Variants in TENM1 observed in about 807,000 individuals in gnomAD.
TENM1 encodes teneurin-1.
Under a neutral mutation model 174.8 loss-of-function variants are expected in TENM1, and 35 were observed. The ratio of observed to expected loss-of-function variants is 0.20; its 90% CI spans 0.15 to 0.27. The LOEUF (loss-of-function observed/expected upper bound fraction) is 0.27. Among genes scored for constraint, TENM1 ranks in the 10% least tolerant of loss-of-function variants. The probability of loss-of-function intolerance (pLI) is 1.00; values close to 1 mark genes in which losing one functional copy is unlikely to be tolerated. For missense variants in TENM1, 1,633 were observed against 2,130.1 expected, an observed-to-expected ratio of 0.77 and a Z score of 4.59; for synonymous variants, 781 against 798.7, an observed-to-expected ratio of 0.98 and a Z score of 0.37.
the TENM1 span, among the ~76,000 whole-genome samples, chrX:124,974,541 A>C: frequency 9.0e-6 from 1 of 111,015 alleles, no homozygotes; most frequent in Non-Finnish European, 1.9e-5. Context: ...AGAAACATGG[A>C]AGTTGCTTAA....
At chrX:124,816,654 A>G (rs982074484) in intron 3 of TENM1, among the ~76,000 whole-genome samples, 1 of 111,492 alleles carries the variant, frequency 9.0e-6, no homozygotes, top group Non-Finnish European at 1.9e-5. Context: ...CAGAATTAAT[A>G]CATTTTCCTG....
chrX:124,492,472 C>T (rs1189937787), intron 20 of TENM1, among the ~76,000 whole-genome samples: 1 of 108,618 alleles, frequency 9.2e-6, no homozygotes, highest in Non-Finnish European at 1.9e-5. Context: ...GTACAGTACA[C>T]ATATAGGCAA....
chrX:124,584,729 A>T (rs1041128070), intron 11 of TENM1, among the ~76,000 whole-genome samples: 1 of 111,737 alleles, frequency 8.9e-6, no homozygotes, highest in African/African-American at 3.3e-5. Flanking sequence ...CAATTAAAAG[A>T]CACAGACTGG....
chrX:124,901,154 C>A (rs1268956193), intron 1 of TENM1, among the ~76,000 whole-genome samples: 1 of 111,036 alleles, frequency 9.0e-6, no homozygotes, highest in East Asian at 2.8e-4. Flanking sequence ...AAGAGTTGAA[C>A]ATCAAATTTA....
At chrX:124,410,325 A>C (rs1019978460) in intron 25 of TENM1, among the ~76,000 whole-genome samples, 1 of 112,381 alleles carries the variant, frequency 8.9e-6, no homozygotes, top group Non-Finnish European at 1.9e-5. Context: ...ATATGTAGAA[A>C]GCTGAAACTG....
At chrX:124,922,004 C>T (rs1477522439) in intron 1 of TENM1, among the ~76,000 whole-genome samples, 1 of 111,696 alleles carries the variant, frequency 9.0e-6, no homozygotes, top group Non-Finnish European at 1.9e-5. Context: ...AGGTTCATTG[C>T]CCATCATTGT....
chrX:125,057,563 T>C, the TENM1 span, among the ~76,000 whole-genome samples: 2 of 111,757 alleles, frequency 1.8e-5, no homozygotes, highest in African/African-American at 6.5e-5. Flanking sequence ...CATTAAACCA[T>C]TTTATGTGAC....
intron 18 of TENM1, among the ~76,000 whole-genome samples, chrX:124,510,595 C>A (rs930164405): frequency 9.0e-6 from 1 of 111,463 alleles, no homozygotes; most frequent in African/African-American, 3.3e-5. Flanking sequence ...GTAGAGGGGA[C>A]CAGAAGACAA....
intron 4 of TENM1, among the ~76,000 whole-genome samples, chrX:124,725,626 A>T (rs772594879): frequency 2.7e-5 from 3 of 112,180 alleles, no homozygotes; most frequent in Non-Finnish European, 3.8e-5. Flanking sequence ...CTCAAGACTT[A>T]ACCAGATCTT....
At chrX:124,542,289 C>A (rs2048337239) in intron 15 of TENM1, among the ~76,000 whole-genome samples, 1 of 112,637 alleles carries the variant, frequency 8.9e-6, no homozygotes, top group Non-Finnish European at 1.9e-5. Flanking sequence ...CGGACTTGGT[C>A]TTTGTCCTTA....
chrX:124,868,660 C>T (rs548129454), intron 3 of TENM1, among the ~76,000 whole-genome samples: 51 of 110,695 alleles, frequency 4.6e-4, no homozygotes, highest in Middle Eastern at 9.3e-3. Context: ...AGCTTCTGTA[C>T]GGTAAAAGAT....
intron 11 of TENM1, among the ~76,000 whole-genome samples, chrX:124,632,534 G>A (rs762826241): frequency 1.8e-5 from 2 of 110,687 alleles, no homozygotes; most frequent in South Asian, 7.7e-4. Context: ...ACTCTTTACT[G>A]AAGAACTAAT....
intron 11 of TENM1, among the ~76,000 whole-genome samples, chrX:124,611,441 C>T (rs1334394656): frequency 9.0e-6 from 1 of 111,440 alleles, no homozygotes; most frequent in African/African-American, 3.3e-5. Flanking sequence ...CAGAACCCCA[C>T]TATATAAAAT....
the TENM1 span, among the ~76,000 whole-genome samples, chrX:125,195,770 A>G: frequency 3.6e-5 from 4 of 111,015 alleles, no homozygotes; most frequent in Non-Finnish European, 7.6e-5. Context: ...AACTGAAAGA[A>G]GGTACGAACT....
At chrX:124,977,959 TGTGTGTGTGA>T in the TENM1 span, among the ~76,000 whole-genome samples, 2 of 55,794 alleles carry the variant, frequency 3.6e-5, no homozygotes, top group African/African-American at 7.1e-5. Flanking sequence ...TGTGTGTGTG[TGTGTGTGTGA>T]GAGAGAGAGA....
At chrX:124,531,260 G>A (rs2048100953) in intron 15 of TENM1, among the ~76,000 whole-genome samples, 1 of 107,477 alleles carries the variant, frequency 9.3e-6, no homozygotes, top group African/African-American at 3.4e-5. Context: ...TTTCATCCTG[G>A]AATTATACAT....
intron 3 of TENM1, among the ~76,000 whole-genome samples, chrX:124,805,370 C>A (rs755256337): frequency 8.9e-6 from 1 of 112,180 alleles, no homozygotes. Flanking sequence ...TATAATAGTT[C>A]TAACCTTGAG....
intron 3 of TENM1, among the ~76,000 whole-genome samples, chrX:124,811,191 G>T (rs1345490195): frequency 9.0e-6 from 1 of 111,695 alleles, no homozygotes; most frequent in Admixed American, 9.6e-5. Flanking sequence ...AAAAGCTTCT[G>T]CATAGCAAAG....
chrX:124,567,001 G>A (rs1402176612), intron 11 of TENM1, among the ~76,000 whole-genome samples: 1 of 111,563 alleles, frequency 9.0e-6, no homozygotes, highest in East Asian at 2.8e-4. Context: ...TAACCAACAG[G>A]ACTTGCTCAA....
Sources: gnomAD v4.1 joint callset for allele counts (sites outside exome capture counted in the v4.1 genomes callset) on GRCh38, gnomAD v4.1.1 for gene constraint, MANE v1.5 for transcripts, NCBI Gene and HGNC (gene_info 2026-07-23, HGNC 2026-07-21) for gene names.